Variants in CTSC observed in about 807,000 individuals in gnomAD.
CTSC encodes the protein dipeptidyl peptidase 1.
Under a neutral mutation model 40.9 loss-of-function variants are expected in CTSC, and 37 were observed. The ratio of observed to expected loss-of-function variants is 0.91; its 90% confidence interval spans 0.70 to 1.19. The LOEUF (loss-of-function observed/expected upper bound fraction) is 1.19. CTSC is among the 50% of genes most tolerant of loss of function. The pLI, the probability that CTSC is intolerant of heterozygous loss-of-function variation, is 0.00. For missense variants in CTSC, 594 were observed against 567.3 expected (o/e 1.05, Z -0.48); for synonymous variants, 232 against 207.4 (o/e 1.12, Z -1.02).
chr11:88,320,933 G>GT lies in CTSC; in HGVS notation c.319-8380dup, dbSNP rs1937991700. 4 of 975,260 alleles carry GT rather than the reference G, an allele frequency of 4.1e-6. No individual in the cohort carries two copies. In the African/African-American group the frequency reaches 7.0e-5, roughly 17 times the overall value. The allele number at this position is 975,260 out of a possible 1,614,324, so 60.4% of individuals were successfully genotyped here. The stretch of plus-strand genomic sequence containing the variant: ...TGGAGTTGATCCTTGCCCTAATGAA[G>GT]TTTAAAGACCAGAGAGGAATACAAA... On this transcript the variant is annotated intron_variant, in intron 2 of 6. Coordinates refer to ENST00000227266, the MANE Select transcript of CTSC (RefSeq NM_001814.6).
chr11:88,304,377 C>T (rs140535752), intron 4 of CTSC, among the ~76,000 whole-genome samples: 1 of 152,266 alleles, frequency 6.6e-6, no homozygotes, highest in Non-Finnish European at 1.5e-5. Context: ...AAATAAGATG[C>T]TGATACAGTT....
At chr11:88,308,341 T>TCAGCCGTTATTCCAGAGGTTATAAA (rs763192797) in intron 4 of CTSC, among the ~76,000 whole-genome samples, 349 of 152,306 alleles carry the variant, frequency 2.3e-3, no homozygotes, top group Non-Finnish European at 4.1e-3. Flanking sequence ...TGAGAGATTG[T>TCAGCCGTTATTCCAGAGGTTATAAA]CAGCCGTTAT....
At chr11:88,314,891 G>A (rs1263995738) in intron 2 of CTSC, among the ~76,000 whole-genome samples, 1 of 152,070 alleles carries the variant, frequency 6.6e-6, no homozygotes, top group East Asian at 1.9e-4. Context: ...TCACTAGCAT[G>A]AGTTCAGTTC....
In CTSC at chr11:88,337,636, G is replaced by A. The variant is rs759984277; in HGVS notation, c.37C>T (p.Leu13=). The A allele has an allele frequency of 2.5e-6, 4 of 1,584,438 alleles. No individual in the cohort carries two copies. Among genetic ancestry groups the A allele is most frequent in the Non-Finnish European group, 2.6e-6 (3 of 1,164,880 alleles). Residue 13 remains leucine, a synonymous_variant, in exon 1 of 7, where the codon CTG becomes TTG. Transcript: ENST00000227266. ...AGPSLLLAAL[L]LLLSGDGAVR... Reference sequence around the variant, plus strand: ...GCGCCGTCGCCGGAGAGAAGCAGCAGGAGGGCGGCGAGCAGCAAGGAGGGC... The same window carrying A: ...GCGCCGTCGCCGGAGAGAAGCAGCAAGAGGGCGGCGAGCAGCAAGGAGGGC...
intron 2 of CTSC, among the ~76,000 whole-genome samples, chr11:88,318,405 T>C (rs1345777287): frequency 2.6e-5 from 4 of 152,192 alleles, no homozygotes; most frequent in Non-Finnish European, 5.9e-5. Context: ...TTGGAAGAGT[T>C]AAAAAGTTAT....
chr11:88,333,062 A>T (rs895167619), intron 2 of CTSC, among the ~76,000 whole-genome samples: 3 of 152,260 alleles, frequency 2.0e-5, no homozygotes, highest in African/African-American at 7.2e-5. Flanking sequence ...TTCCTCATTC[A>T]GCCACCAGCT....
Position 88,325,604 on chromosome 11 carries a change from T to C in CTSC, c.318+9333A>G, listed in dbSNP as rs926530778. Reference sequence around the variant, plus strand: ...CACTGTAAGAGATTAATTTTCTCTATCTATAAAATGAAACTAGTTATATCT... The same window carrying C: ...CACTGTAAGAGATTAATTTTCTCTACCTATAAAATGAAACTAGTTATATCT... On this transcript the variant is annotated intron_variant, in intron 2 of 6. Transcript: ENST00000227266. The C allele has an allele frequency of 6.1e-6, 6 of 985,018 alleles. No homozygotes were observed. The African/African-American group carries it at 1.0e-4, about 17-fold the overall frequency. 61.0% of individuals were successfully genotyped at this position (985,018 alleles called of 1,614,324 possible). A position where few individuals can be genotyped will look rare whatever the true frequency, so the allele number is the denominator to read the frequency against.
intron 5 of CTSC, chr11:88,298,811 T>C (rs1944325805): frequency 6.6e-6 from 1 of 152,186 alleles, no homozygotes; most frequent in African/African-American, 2.4e-5. Flanking sequence ...TAACAGCTTT[T>C]ACCAAGCTAT....
intron 2 of CTSC, 146 bp downstream of exon 2, chr11:88,334,791 A>G: frequency 1.6e-6 from 1 of 641,042 alleles, no homozygotes; most frequent in South Asian, 1.9e-5. Context: ...GCAAAATTAT[A>G]CCAACTACTA....
intron 2 of CTSC, chr11:88,328,009 G>A (rs1040654238): frequency 1.7e-5 from 14 of 800,814 alleles, no homozygotes; most frequent in Non-Finnish European, 2.9e-5. Context: ...AATCTCTCCA[G>A]TCACCCTCTG....
chr11:88,306,520 G>A (rs1051126305), intron 4 of CTSC, among the ~76,000 whole-genome samples: 3 of 151,730 alleles, frequency 2.0e-5, no homozygotes, highest in Non-Finnish European at 2.9e-5. Context: ...GGAACAGAGC[G>A]GCACAGAGCT....
chr11:88,311,267 A>G (rs765277970), intron 3 of CTSC, among the ~76,000 whole-genome samples: 1 of 152,190 alleles, frequency 6.6e-6, no homozygotes, highest in Non-Finnish European at 1.5e-5. Context: ...GTGTAGCTCT[A>G]GGATCAAGCC....
intron 2 of CTSC, chr11:88,323,884 A>G (rs1299475572): frequency 6.6e-6 from 1 of 152,146 alleles, no homozygotes. Flanking sequence ...AACTACCATT[A>G]ACATTCTTCA....
chr11:88,332,328 C>T (rs1284120099), intron 2 of CTSC, among the ~76,000 whole-genome samples: 1 of 152,164 alleles, frequency 6.6e-6, no homozygotes, highest in African/African-American at 2.4e-5. Flanking sequence ...ACATGCAATA[C>T]TTATTACATG....
intron 4 of CTSC, among the ~76,000 whole-genome samples, chr11:88,303,419 A>G (rs972023959): frequency 1.3e-5 from 2 of 152,192 alleles, no homozygotes; most frequent in African/African-American, 4.8e-5. Flanking sequence ...TAATGTGGGG[A>G]TCCTATGACA....
chr11:88,334,950 A>C lies in CTSC; in HGVS notation c.305T>G (p.Phe102Cys). Residue 102 changes from phenylalanine to cysteine, a missense_variant, in exon 2 of 7, where the codon TTT (phenylalanine) becomes TGT (cysteine). Coordinates refer to ENST00000227266, the MANE Select transcript of CTSC (RefSeq NM_001814.6). Reference protein sequence around the residue: ...FEIVLNDYKWFAFFKYKEEGS... With the variant: ...FEIVLNDYKWCAFFKYKEEGS... ...AACAAAACTAACCTTAAAAAAGGCA[A>C]ACCACTTGTAGTCATTCAACACAAT... 6.2e-7 allele frequency: 1 copy of C among 1,612,918 alleles called. No homozygotes were observed. Among genetic ancestry groups the C allele is most frequent in the Non-Finnish European group, 8.5e-7 (1 of 1,179,028 alleles).
chr11:88,320,607 C>A (rs1937980709), intron 2 of CTSC, among the ~76,000 whole-genome samples: 2 of 152,144 alleles, frequency 1.3e-5, no homozygotes, highest in Non-Finnish European at 2.9e-5. Flanking sequence ...GTTAGAACAT[C>A]ACTGTTTTTA....
At chr11:88,300,767 A>C in intron 4 of CTSC, 122 bp from the exon 5 acceptor site, 1 of 709,074 alleles carries the variant, frequency 1.4e-6, no homozygotes, top group Non-Finnish European at 2.6e-6. Context: ...ATTCAGACCC[A>C]GAGCACCTGT....
intron 2 of CTSC, among the ~76,000 whole-genome samples, chr11:88,317,330 T>G (rs924718093): frequency 1.3e-5 from 2 of 152,234 alleles, no homozygotes; most frequent in Non-Finnish European, 2.9e-5. Context: ...TGAGTAATCC[T>G]AAAAAACTAC....
Sources: allele counts gnomAD v4.1 joint callset (sites outside exome capture counted in the v4.1 genomes callset), GRCh38; gene constraint gnomAD v4.1.1; transcripts MANE v1.5; gene names NCBI Gene and HGNC (gene_info 2026-07-23, HGNC 2026-07-21).